Variants in CAPN13 observed in about 807,000 individuals in gnomAD.
CAPN13 encodes calpain 13, also known as calpain-13.
In CAPN13, 90 loss-of-function variants were observed where a neutral mutation model predicts 98.4. The observed-to-expected ratio is 0.92, with a 90% confidence interval of 0.77 to 1.09. The LOEUF (loss-of-function observed/expected upper bound fraction) is 1.09, where lower values mean the gene tolerates loss of function less well. Ranked by LOEUF, CAPN13 falls within the 50% of genes least tolerant of loss-of-function variation. CAPN13 has a pLI of 0.00. For missense variants in CAPN13, 887 were observed against 841.3 expected, an observed-to-expected ratio of 1.05 and a Z score of -0.67; for synonymous variants, 330 against 305.5, an observed-to-expected ratio of 1.08 and a Z score of -0.84.
chr2:30,769,344 T>A (rs1314123823), intron 5 of CAPN13, among the ~76,000 whole-genome samples: 1 of 152,034 alleles, frequency 6.6e-6, no homozygotes. Flanking sequence ...TGTTGGAGGG[T>A]CCTGGATCCC....
chr2:30,789,630 C>T (rs1431896229), intron 1 of CAPN13, among the ~76,000 whole-genome samples: 1 of 152,178 alleles, frequency 6.6e-6, no homozygotes, highest in Non-Finnish European at 1.5e-5. Context: ...TCACTTGCCT[C>T]ATTTGTGAAA....
intron 4 of CAPN13, among the ~76,000 whole-genome samples, chr2:30,773,504 A>G (rs1673518246): frequency 6.6e-6 from 1 of 152,228 alleles, no homozygotes; most frequent in East Asian, 1.9e-4. Flanking sequence ...AATTAATAAT[A>G]AAGAGATGAA....
At position 30,732,373 on chromosome 2, in the gene CAPN13, C is replaced by T. The variant is rs1191946716; in HGVS notation, c.1927+65G>A. On this transcript the variant is annotated intron_variant, in intron 20 of 22. Coordinates refer to ENST00000295055, the MANE Select transcript of CAPN13 (RefSeq NM_144575.3). Reference sequence around the variant, plus strand: ...AGACCTGGGGTGGGGTAGGGGGTGTCCGGTCCTCTCCTGTGTTCTTCGGTC... The same window carrying T: ...AGACCTGGGGTGGGGTAGGGGGTGTTCGGTCCTCTCCTGTGTTCTTCGGTC... 5 of 1,599,062 alleles carry T rather than the reference C, an allele frequency of 3.1e-6. No homozygotes were observed. In the East Asian group the frequency reaches 8.9e-5, roughly 29 times the overall value.
At chr2:30,779,917 G>A (rs766928564) in intron 2 of CAPN13, among the ~76,000 whole-genome samples, 14 of 151,860 alleles carry the variant, frequency 9.2e-5, no homozygotes, top group Non-Finnish European at 1.8e-4. Flanking sequence ...TTTGAGGGAG[G>A]GTTACATAGA....
chr2:30,734,204 G>C (rs1243366224), intron 19 of CAPN13, among the ~76,000 whole-genome samples: 2 of 152,214 alleles, frequency 1.3e-5, no homozygotes, highest in African/African-American at 4.8e-5. Flanking sequence ...AATTAGAGCT[G>C]TGCTGGGGAG....
chr2:30,753,872 T>C (rs1412100542), intron 9 of CAPN13, among the ~76,000 whole-genome samples: 1 of 152,140 alleles, frequency 6.6e-6, no homozygotes, highest in Non-Finnish European at 1.5e-5. Flanking sequence ...ATGAAGTCCA[T>C]GTCTCACCCA....
At chr2:30,794,237 A>G (rs1046312409) in intron 1 of CAPN13, among the ~76,000 whole-genome samples, 8 of 151,912 alleles carry the variant, frequency 5.3e-5, no homozygotes, top group African/African-American at 1.9e-4. Flanking sequence ...AATGGCCAAA[A>G]GATTTGAAGA....
chr2:30,751,211 T>C lies in CAPN13; in HGVS notation c.1128A>G (p.Gln376=), dbSNP rs565678055. 1.9e-6 allele frequency: 3 copies of C among 1,614,010 alleles called. No individual in the cohort carries two copies. The highest frequency in any genetic ancestry group is 4.5e-5 in the East Asian group (2 of 44,884). The part of the protein sequence containing the change: ...RNDAQFNFSV[Q]EPMEGTNVVV... ...CAACATTGGTGCCTTCCATTGGCTC[T>C]TGCACAGAGAAGTTGAATTGAGCAT... Residue 376 remains glutamine, a synonymous_variant, in exon 11 of 23, where the codon CAA becomes CAG. Transcript: ENST00000295055.
At chr2:30,787,052 C>A in intron 2 of CAPN13, 76 bp downstream of exon 2, 7 of 1,215,948 alleles carry the variant, frequency 5.8e-6, no homozygotes, top group Non-Finnish European at 6.8e-6. Context: ...GGCTCCACCT[C>A]CTTTTGGCTG....
intron 5 of CAPN13, among the ~76,000 whole-genome samples, chr2:30,767,113 C>A (rs1673152396): frequency 6.6e-6 from 1 of 152,224 alleles, no homozygotes; most frequent in African/African-American, 2.4e-5. Flanking sequence ...TAGGGAAAAT[C>A]GTGCTCACCC....
At chr2:30,724,503 G>C (rs1670791529) in intron 22 of CAPN13, among the ~76,000 whole-genome samples, 1 of 152,172 alleles carries the variant, frequency 6.6e-6, no homozygotes, top group Non-Finnish European at 1.5e-5. Context: ...CCCTGTCTCT[G>C]TCTAGTGTTG....
chr2:30,806,941 A>T (rs1477257431), intron 1 of CAPN13, among the ~76,000 whole-genome samples: 1 of 152,232 alleles, frequency 6.6e-6, no homozygotes, highest in Admixed American at 6.5e-5. Flanking sequence ...CAAAGAAGAC[A>T]TGATTTCTGC....
chr2:30,778,386 A>C (rs978984784), intron 2 of CAPN13, among the ~76,000 whole-genome samples: 1 of 152,194 alleles, frequency 6.6e-6, no homozygotes, highest in Non-Finnish European at 1.5e-5. Context: ...ATCCCCAGGC[A>C]CTTTGGGAGA....
intron 18 of CAPN13, 112 bp from the exon 19 acceptor site, chr2:30,734,636 G>T: frequency 1.2e-6 from 1 of 804,402 alleles, no homozygotes; most frequent in Non-Finnish European, 2.1e-6. Flanking sequence ...CACGGTCACA[G>T]CACTGAGGAC....
At chr2:30,801,980 C>A (rs1306889293) in intron 1 of CAPN13, among the ~76,000 whole-genome samples, 2 of 152,138 alleles carry the variant, frequency 1.3e-5, no homozygotes, top group Non-Finnish European at 2.9e-5. Context: ...TTTTAAAGAC[C>A]ACCGCCCCCT....
At chr2:30,759,195 C>T (rs1672690386) in intron 7 of CAPN13, among the ~76,000 whole-genome samples, 1 of 150,816 alleles carries the variant, frequency 6.6e-6, no homozygotes, top group African/African-American at 2.4e-5. Context: ...CCATCCCTCC[C>T]TTCCTTCTTT....
chr2:30,731,324 G>A lies in CAPN13; in HGVS notation c.1983+20C>T, dbSNP rs774145599. 2 of 1,600,694 alleles carry A rather than the reference G, an allele frequency of 1.2e-6. No homozygotes were observed. Among genetic ancestry groups the A allele is most frequent in the Admixed American group, 3.4e-5 (2 of 58,564 alleles). ...GCAGCCTGGGACTGTGCCTGCCCCG[G>A]GGAGGGGAAGGTACCTCACCTCCAT... On this transcript the variant is annotated intron_variant, in intron 21 of 22. Coordinates refer to ENST00000295055, the MANE Select transcript of CAPN13 (RefSeq NM_144575.3).
At chr2:30,724,473 T>C (rs1343363056) in intron 22 of CAPN13, among the ~76,000 whole-genome samples, 1 of 152,238 alleles carries the variant, frequency 6.6e-6, no homozygotes, top group Non-Finnish European at 1.5e-5. Context: ...CTCTGCTGCA[T>C]AGCGCTGGTC....
intron 12 of CAPN13, 138 bp from the exon 13 acceptor site, chr2:30,743,717 G>A (rs1299881121): frequency 3.8e-6 from 3 of 789,840 alleles, no homozygotes; most frequent in Admixed American, 4.0e-5. Context: ...TGGAGACAGT[G>A]CTCAGCTGAA....
Sources: allele counts gnomAD v4.1 joint callset (sites outside exome capture counted in the v4.1 genomes callset), GRCh38; gene constraint gnomAD v4.1.1; transcripts MANE v1.5; gene names NCBI Gene and HGNC (gene_info 2026-07-23, HGNC 2026-07-21).